SLC25A26: variants seen among roughly 807,000 people sequenced by gnomAD.
SLC25A26 encodes solute carrier family 25 member 26.
In SLC25A26, 36 loss-of-function variants were observed where a neutral mutation model predicts 37.8. The ratio of observed to expected loss-of-function variants is 0.95; its 90% CI spans 0.73 to 1.26. The LOEUF (loss-of-function observed/expected upper bound fraction) is 1.26. Among genes scored for constraint, SLC25A26 ranks in the 50% most tolerant of loss-of-function variants. SLC25A26 has a pLI of 0.00. For synonymous variants in SLC25A26, 129 were observed against 122.5 expected (o/e 1.05, Z -0.35); for missense variants, 390 against 331.1 (o/e 1.18, Z -1.38).
chr3:66,158,421 C>T (rs2070313110), intron 1 of SLC25A26, among the ~76,000 whole-genome samples: 1 of 152,100 alleles, frequency 6.6e-6, no homozygotes, highest in African/African-American at 2.4e-5. Flanking sequence ...ACATGTTGTA[C>T]AAGTTTTAGT....
intron 5 of SLC25A26, among the ~76,000 whole-genome samples, chr3:66,276,747 A>C (rs779002306): frequency 1.3e-5 from 2 of 151,964 alleles, no homozygotes; most frequent in Non-Finnish European, 2.9e-5. Flanking sequence ...AGTAACTAGC[A>C]GATAATTTAT....
intron 5 of SLC25A26, among the ~76,000 whole-genome samples, chr3:66,296,710 T>G (rs2074913930): frequency 6.6e-6 from 1 of 152,230 alleles, no homozygotes; most frequent in Non-Finnish European, 1.5e-5. Flanking sequence ...AAAATAAAAC[T>G]TTGAACAGAA....
chr3:66,231,530 A>G (rs1023372292), intron 1 of SLC25A26, among the ~76,000 whole-genome samples: 2 of 152,150 alleles, frequency 1.3e-5, no homozygotes, highest in Non-Finnish European at 2.9e-5. Context: ...TTAATTGTTA[A>G]AAAATTAACA....
chr3:66,293,571 T>G (rs1001228206), intron 5 of SLC25A26, among the ~76,000 whole-genome samples: 2 of 151,896 alleles, frequency 1.3e-5, no homozygotes, highest in African/African-American at 4.8e-5. Context: ...CTGCAGTGTC[T>G]CTTATTCCCC....
intron 5 of SLC25A26, among the ~76,000 whole-genome samples, chr3:66,301,640 C>T (rs752152108): frequency 1.4e-4 from 21 of 152,182 alleles, no homozygotes; most frequent in Admixed American, 1.2e-3. Flanking sequence ...CATTTCTATA[C>T]GTGTTTAGAC....
intron 1 of SLC25A26, among the ~76,000 whole-genome samples, chr3:66,136,372 C>A (rs28438945): frequency 0.45 from 67,892 of 151,976 alleles, 15,941 homozygotes; most frequent in African/African-American, 0.59. Context: ...ACACAAATGG[C>A]CAGTTTATAA....
chr3:66,280,014 G>A (rs928807142), intron 5 of SLC25A26, among the ~76,000 whole-genome samples: 1 of 152,188 alleles, frequency 6.6e-6, no homozygotes. Flanking sequence ...TATGTTTCAT[G>A]TTGACTAACA....
At chr3:66,308,960 C>T (rs750026408) in intron 5 of SLC25A26, among the ~76,000 whole-genome samples, 6 of 152,210 alleles carry the variant, frequency 3.9e-5, no homozygotes, top group Non-Finnish European at 5.9e-5. Context: ...AGGATTTTCG[C>T]GTCCATGTTT....
At chr3:66,198,734 A>G (rs2071076238) in intron 1 of SLC25A26, among the ~76,000 whole-genome samples, 1 of 150,476 alleles carries the variant, frequency 6.6e-6, no homozygotes, top group Admixed American at 6.6e-5. Context: ...CCTGTCCTTT[A>G]CCCTCATCTT....
chr3:66,316,935 G>T (rs1237697625), intron 5 of SLC25A26, among the ~76,000 whole-genome samples: 1 of 152,122 alleles, frequency 6.6e-6, no homozygotes, highest in African/African-American at 2.4e-5. Context: ...GTCTCATGTT[G>T]TGTTTTTCAA....
intron 1 of SLC25A26, among the ~76,000 whole-genome samples, chr3:66,158,384 T>G (rs2070312725): frequency 6.6e-6 from 1 of 152,230 alleles, no homozygotes; most frequent in Admixed American, 6.5e-5. Flanking sequence ...TTTCATTTTT[T>G]GGCTATTATG....
At chr3:66,239,815 TC>T (rs2072481535) in intron 2 of SLC25A26, among the ~76,000 whole-genome samples, 2 of 132,168 alleles carry the variant, frequency 1.5e-5, no homozygotes, top group African/African-American at 2.8e-5. Context: ...TTCCTTTCTT[TC>T]TTTTTTTTTT....
At chr3:66,362,335 A>G (rs1334484702) in intron 6 of SLC25A26, among the ~76,000 whole-genome samples, 2 of 152,268 alleles carry the variant, frequency 1.3e-5, no homozygotes, top group African/African-American at 4.8e-5. Context: ...TATCCATACA[A>G]CAGAATATTA....
At position 66,371,520 on chromosome 3, in the gene SLC25A26, A is replaced by G. The variant is rs1293700131; in HGVS notation, c.707+918A>G. The G allele has an allele frequency of 1.2e-5, 16 of 1,323,030 alleles. No individual in the cohort carries two copies. The East Asian group carries it at 3.6e-4, about 30-fold the overall frequency. The allele number at this position is 1,323,030 out of a possible 1,614,324, so 82.0% of individuals were successfully genotyped here. On this transcript the variant is annotated intron_variant, in intron 9 of 9. Coordinates refer to ENST00000354883, the MANE Select transcript of SLC25A26 (RefSeq NM_001379210.1). ...AGGTGATATTGGATGGTTTTGTTGA[A>G]TGTGACAACTCTGAGGGATTGACGT...
Position 66,145,906 on chromosome 3 carries a change from A to C in SLC25A26, c.-354+11922A>C, listed in dbSNP as rs959112274. On this transcript the variant is annotated intron_variant, in intron 1 of 10. Coordinates refer to the SLC25A26 transcript ENST00000676754. Reference sequence around the variant, plus strand: ...TTGTTTTGAAAAAAAGCAAATAACTAATAATAACGTTCTACAAACATAAAG... The same window carrying C: ...TTGTTTTGAAAAAAAGCAAATAACTCATAATAACGTTCTACAAACATAAAG... 1.4e-4 allele frequency among the ~76,000 whole-genome samples: 22 copies of C among 152,360 alleles called. 2 individuals carry two copies. Among genetic ancestry groups the C allele is most frequent in the African/African-American group, 5.3e-4 (22 of 41,586 alleles).
intron 5 of SLC25A26, among the ~76,000 whole-genome samples, chr3:66,273,706 C>G (rs2074034088): frequency 6.6e-6 from 1 of 152,074 alleles, no homozygotes. Context: ...CGTGAAGGAC[C>G]TCTTCAAGGA....
chr3:66,346,681 C>G (rs1472011452), intron 6 of SLC25A26, among the ~76,000 whole-genome samples: 1 of 150,398 alleles, frequency 6.6e-6, no homozygotes, highest in Admixed American at 6.6e-5. Context: ...TATTGCCATT[C>G]TTTCTCCACC....
chr3:66,277,589 A>T (rs2074199473), intron 5 of SLC25A26, among the ~76,000 whole-genome samples: 1 of 152,158 alleles, frequency 6.6e-6, no homozygotes, highest in Non-Finnish European at 1.5e-5. Context: ...AAATCATCAC[A>T]TTGCTCACTT....
intron 1 of SLC25A26, among the ~76,000 whole-genome samples, chr3:66,232,737 C>T (rs1259436444): frequency 6.6e-6 from 1 of 152,232 alleles, no homozygotes; most frequent in African/African-American, 2.4e-5. Flanking sequence ...GGCTCCAGAA[C>T]CTCCAGAGCC....
Sources: gnomAD v4.1 joint callset for allele counts (sites outside exome capture counted in the v4.1 genomes callset) on GRCh38, gnomAD v4.1.1 for gene constraint, MANE v1.5 for transcripts, NCBI Gene and HGNC (gene_info 2026-07-23, HGNC 2026-07-21) for gene names.